Variants in ANO3 observed in about 807,000 individuals in gnomAD.
The protein encoded by ANO3 is anoctamin-3.
In ANO3, 99 loss-of-function variants were observed where a neutral mutation model predicts 144.8. The ratio of observed to expected loss-of-function variants is 0.68; its 90% confidence interval spans 0.58 to 0.81. The LOEUF (loss-of-function observed/expected upper bound fraction) is 0.81. ANO3 is among the 30% of genes least tolerant of loss of function. The pLI, the probability that ANO3 is intolerant of heterozygous loss-of-function variation, is 0.00. For synonymous variants in ANO3, 414 were observed against 392.6 expected (o/e 1.05, Z -0.64); for missense variants, 905 against 1,202.2 (o/e 0.75, Z 3.66).
chr11:26,395,690 G>C (rs1245766641), intron 1 of ANO3, among the ~76,000 whole-genome samples: 1 of 151,802 alleles, frequency 6.6e-6, no homozygotes, highest in Non-Finnish European at 1.5e-5. Context: ...AACAAGCAAT[G>C]GGGAAAGGAT....
intron 1 of ANO3, among the ~76,000 whole-genome samples, chr11:26,239,231 C>A (rs2133809477): frequency 6.6e-6 from 1 of 151,994 alleles, no homozygotes; most frequent in Middle Eastern, 3.4e-3. Flanking sequence ...ACTCCAAAAA[C>A]ATTATCATTA....
At chr11:26,274,474 T>G (rs1853515440) in intron 1 of ANO3, among the ~76,000 whole-genome samples, 1 of 152,000 alleles carries the variant, frequency 6.6e-6, no homozygotes, top group African/African-American at 2.4e-5. Flanking sequence ...CTACATAATG[T>G]GAATGAAAAA....
chr11:26,322,566 A>G (rs1237095158), intron 1 of ANO3, among the ~76,000 whole-genome samples: 1 of 152,086 alleles, frequency 6.6e-6, no homozygotes, highest in African/African-American at 2.4e-5. Flanking sequence ...TTGGTCAGGT[A>G]TATTATAGCA....
intron 11 of ANO3, among the ~76,000 whole-genome samples, chr11:26,544,281 T>TATATATATATATATATAA: frequency 1.1e-5 from 1 of 86,992 alleles, no homozygotes; most frequent in South Asian, 5.3e-4. Flanking sequence ...TATACACACA[T>TATATATATATATATATAA]ACACACACAC....
chr11:26,493,479 T>A (rs1860798019), intron 4 of ANO3, among the ~76,000 whole-genome samples: 1 of 152,194 alleles, frequency 6.6e-6, no homozygotes, highest in Non-Finnish European at 1.5e-5. Context: ...GGCCTCCAAA[T>A]AAGGGTGCAT....
intron 1 of ANO3, among the ~76,000 whole-genome samples, chr11:26,215,503 T>C (rs1208966090): frequency 6.6e-6 from 1 of 151,908 alleles, no homozygotes; most frequent in African/African-American, 2.4e-5. Flanking sequence ...TAAAACAAAA[T>C]ATTGGAGGCT....
chr11:26,427,424 C>T (rs1188380189), intron 1 of ANO3: 1 of 152,172 alleles, frequency 6.6e-6, no homozygotes, highest in Non-Finnish European at 1.5e-5. Flanking sequence ...ATGTTAGAGA[C>T]TACATTTCAT....
intron 1 of ANO3, among the ~76,000 whole-genome samples, chr11:26,228,047 T>A (rs928881559): frequency 1.8e-4 from 27 of 152,296 alleles, no homozygotes; most frequent in Non-Finnish European, 1.5e-4. Flanking sequence ...GTCATTTCAA[T>A]AAGTCAGAGA....
chr11:26,407,800 A>T (rs1387958615), intron 1 of ANO3, among the ~76,000 whole-genome samples: 1 of 151,772 alleles, frequency 6.6e-6, no homozygotes, highest in African/African-American at 2.4e-5. Flanking sequence ...GCTTTCCTCC[A>T]TAGCCCCATC....
intron 2 of ANO3, among the ~76,000 whole-genome samples, 170 bp from the exon 3 acceptor site, chr11:26,443,595 G>A (rs772272548): frequency 2.0e-5 from 3 of 152,132 alleles, no homozygotes; most frequent in East Asian, 1.9e-4. Context: ...GCGAGACTCC[G>A]TTTCTTAAAA....
chr11:26,528,310 C>T (rs191718698), intron 7 of ANO3, among the ~76,000 whole-genome samples: 1 of 152,202 alleles, frequency 6.6e-6, no homozygotes, highest in East Asian at 1.9e-4. Context: ...AATTAATAAG[C>T]TAGATCCTTG....
At chr11:26,397,113 T>C (rs942407724) in intron 1 of ANO3, among the ~76,000 whole-genome samples, 3 of 152,036 alleles carry the variant, frequency 2.0e-5, no homozygotes, top group Non-Finnish European at 4.4e-5. Flanking sequence ...GGTGCAGCTA[T>C]TGTCATCAGT....
intron 14 of ANO3, among the ~76,000 whole-genome samples, chr11:26,579,234 T>G (rs1851068494): frequency 6.6e-6 from 1 of 152,220 alleles, no homozygotes; most frequent in Non-Finnish European, 1.5e-5. Flanking sequence ...ATATCTAATT[T>G]GTTTCTGTCT....
At chr11:26,245,956 T>C (rs915804791) in intron 1 of ANO3, among the ~76,000 whole-genome samples, 1 of 152,230 alleles carries the variant, frequency 6.6e-6, no homozygotes, top group Non-Finnish European at 1.5e-5. Context: ...TCCTGCAGTA[T>C]GAGTTCACTT....
intron 1 of ANO3, among the ~76,000 whole-genome samples, chr11:26,438,610 A>AAAAAAAAAAAAAAAAAAAAAAG (rs1565024969): frequency 9.3e-4 from 69 of 73,834 alleles, no homozygotes; most frequent in Admixed American, 1.6e-3. Flanking sequence ...AAAAAAAAAG[A>AAAAAAAAAAAAAAAAAAAAAAG]AAAAAAAAAA....
chr11:26,237,092 T>C lies in ANO3; in HGVS notation c.154+47762T>C, dbSNP rs184477537. Among the ~76,000 whole-genome samples, 533 of 152,218 alleles carry C rather than the reference T, an allele frequency of 3.5e-3. 2 individuals carry two copies. The highest frequency in any genetic ancestry group is 0.012 in the African/African-American group (502 of 41,548). ...TAAGATTGTGATTCCGGCAAAACTG[T>C]GTGTGAATTACACAATTCCAACTCC... is the stretch of plus-strand genomic sequence containing the variant. On this transcript the variant is annotated intron_variant, in intron 1 of 27. Transcript: ENST00000672621.
chr11:26,526,954 TTGCTC>T (rs1245573318), intron 7 of ANO3, among the ~76,000 whole-genome samples: 2 of 152,144 alleles, frequency 1.3e-5, no homozygotes, highest in Non-Finnish European at 2.9e-5. Context: ...TTTCTTGTCT[TTGCTC>T]TGCATATGCC....
chr11:26,601,466 T>C (rs1851797385), intron 17 of ANO3, among the ~76,000 whole-genome samples: 1 of 152,206 alleles, frequency 6.6e-6, no homozygotes. Flanking sequence ...GTGAATACTG[T>C]TTACATTATC....
intron 1 of ANO3, among the ~76,000 whole-genome samples, chr11:26,357,176 G>T (rs1855805164): frequency 6.6e-6 from 1 of 152,176 alleles, no homozygotes; most frequent in Non-Finnish European, 1.5e-5. Context: ...AAGTAAAGCT[G>T]CTGTGAACAT....
Sources: allele counts gnomAD v4.1 joint callset (sites outside exome capture counted in the v4.1 genomes callset), GRCh38; gene constraint gnomAD v4.1.1; transcripts MANE v1.5; gene names NCBI Gene and HGNC (gene_info 2026-07-23, HGNC 2026-07-21).